STAG1: variants seen among roughly 807,000 people sequenced by gnomAD.
STAG1 encodes the protein cohesin subunit SA-1.
In STAG1, 26 loss-of-function variants were observed where a neutral mutation model predicts 170.9. That is an observed-to-expected ratio of 0.15 (90% confidence interval 0.11 to 0.21). STAG1 has a LOEUF of 0.21. Ranked by LOEUF, STAG1 falls within the 10% of genes least tolerant of loss-of-function variation. The pLI, the probability that STAG1 is intolerant of heterozygous loss-of-function variation, is 1.00. For missense variants in STAG1, 964 were observed against 1,509.5 expected (o/e 0.64, Z 5.99); for synonymous variants, 514 against 497.7 (o/e 1.03, Z -0.44).
chr3:136,723,382 C>G (rs1164389231), intron 1 of STAG1, among the ~76,000 whole-genome samples: 1 of 150,524 alleles, frequency 6.6e-6, no homozygotes, highest in South Asian at 2.1e-4. Context: ...TACCCGGCCG[C>G]GACCCCGTCT....
chr3:136,487,030 A>T (rs985264663), intron 9 of STAG1, among the ~76,000 whole-genome samples: 26 of 110,472 alleles, frequency 2.4e-4, no homozygotes, highest in Non-Finnish European at 4.2e-4. Context: ...AAAAAAAAAA[A>T]GCAGATACAA....
At chr3:136,381,049 AAAAG>A (rs1337134590) in intron 22 of STAG1, among the ~76,000 whole-genome samples, 1 of 151,764 alleles carries the variant, frequency 6.6e-6, no homozygotes, top group East Asian at 1.9e-4. Flanking sequence ...AAAAAAAAAA[AAAAG>A]AAACATAGGA....
chr3:136,691,818 A>C (rs1262270158), intron 1 of STAG1, among the ~76,000 whole-genome samples: 4 of 152,242 alleles, frequency 2.6e-5, no homozygotes, highest in Non-Finnish European at 5.9e-5. Context: ...AGAGGAACTA[A>C]GTAGATCATC....
At chr3:136,564,856 A>G (rs1221576002) in intron 5 of STAG1, among the ~76,000 whole-genome samples, 2 of 151,892 alleles carry the variant, frequency 1.3e-5, no homozygotes, top group South Asian at 2.1e-4. Context: ...TATAAAATAT[A>G]AAATCCAGCC....
chr3:136,565,482 C>T (rs1937043659), intron 5 of STAG1, among the ~76,000 whole-genome samples: 1 of 152,218 alleles, frequency 6.6e-6, no homozygotes, highest in South Asian at 2.1e-4. Flanking sequence ...TTAGATACCA[C>T]TTTATACCCA....
chr3:136,518,461 C>G (rs1934492110), intron 7 of STAG1: 1 of 687,662 alleles, frequency 1.5e-6, no homozygotes, highest in South Asian at 1.5e-5. Context: ...ATTCCTCGTA[C>G]ATATACCATT....
In STAG1 at chr3:136,473,745, T is replaced by C. The variant is rs188585559; in HGVS notation, c.1027-108A>G. The stretch of plus-strand genomic sequence containing the variant: ...GCTTAAACATTTGACTTACTGCATA[T>C]TGTAATTCAACATAGGATGAGACTG... On this transcript the variant is annotated intron_variant, in intron 10 of 33. Coordinates refer to ENST00000383202, the MANE Select transcript of STAG1 (RefSeq NM_005862.3). 507 of 753,646 alleles carry C rather than the reference T, an allele frequency of 6.7e-4. 3 individuals carry two copies. Among genetic ancestry groups the C allele is most frequent in the South Asian group, 8.1e-4 (53 of 65,624 alleles). The allele number at this position is 753,646 out of a possible 1,614,324, so 46.7% of individuals were successfully genotyped here.
intron 29 of STAG1, 130 bp from the exon 30 acceptor site, chr3:136,344,136 T>A (rs1333377415): frequency 1.7e-6 from 1 of 592,334 alleles, no homozygotes; most frequent in Non-Finnish European, 2.7e-6. Flanking sequence ...TTCCACCACT[T>A]ACTTACATGA....
intron 21 of STAG1, among the ~76,000 whole-genome samples, chr3:136,416,334 A>T (rs778832261): frequency 1.3e-5 from 2 of 152,326 alleles, no homozygotes; most frequent in South Asian, 2.1e-4. Flanking sequence ...TTAATGTCAC[A>T]TAAGTATGTA....
chr3:136,426,633 A>G (rs971421250), intron 16 of STAG1, among the ~76,000 whole-genome samples: 7 of 152,146 alleles, frequency 4.6e-5, no homozygotes, highest in African/African-American at 1.7e-4. Context: ...CATGACAGCA[A>G]TGTGAATAAA....
At chr3:136,735,762 G>C (rs1031517646) in intron 1 of STAG1, among the ~76,000 whole-genome samples, 1 of 152,002 alleles carries the variant, frequency 6.6e-6, no homozygotes, top group Admixed American at 6.6e-5. Context: ...ATAGGGGTTC[G>C]CCACCACGCC....
chr3:136,511,895 G>A (rs1272465750), intron 7 of STAG1, among the ~76,000 whole-genome samples: 1 of 151,658 alleles, frequency 6.6e-6, no homozygotes, highest in East Asian at 1.9e-4. Flanking sequence ...GACAGCAGGA[G>A]GATGAGCAGA....
At chr3:136,718,416 CTT>C (rs924260730) in intron 1 of STAG1, among the ~76,000 whole-genome samples, 1 of 152,076 alleles carries the variant, frequency 6.6e-6, no homozygotes, top group African/African-American at 2.4e-5. Flanking sequence ...TAAGGAGTGT[CTT>C]TAAGTGAAAT....
At chr3:136,723,832 G>A (rs1933477283) in intron 1 of STAG1, among the ~76,000 whole-genome samples, 1 of 144,208 alleles carries the variant, frequency 6.9e-6, no homozygotes, top group Non-Finnish European at 1.5e-5. Flanking sequence ...GGAGGGAGGT[G>A]GGGGGGTCAG....
chr3:136,345,857 A>C (rs1936202704), intron 29 of STAG1, among the ~76,000 whole-genome samples: 1 of 151,922 alleles, frequency 6.6e-6, no homozygotes, highest in Admixed American at 6.6e-5. Context: ...ATACCTACCC[A>C]TTGTCTGGTT....
At chr3:136,688,871 C>T (rs1203282394) in intron 1 of STAG1, among the ~76,000 whole-genome samples, 11 of 152,130 alleles carry the variant, frequency 7.2e-5, no homozygotes. Flanking sequence ...TTTATTAACA[C>T]CAAAGGAAGA....
At chr3:136,577,553 GAATACTAGCCTTCTTAAGCTTGAA>G (rs543434277) in intron 4 of STAG1, among the ~76,000 whole-genome samples, 11 of 152,218 alleles carry the variant, frequency 7.2e-5, no homozygotes, top group Non-Finnish European at 1.5e-4. Context: ...CAAGGTTTGA[GAATACTAGCCTTCTTAAGCTTGAA>G]AGCCCTCTGA....
chr3:136,421,118 A>G lies in STAG1; in HGVS notation c.2083T>C (p.Leu695=). Residue 695 remains leucine, a synonymous_variant, in exon 20 of 34, where the codon TTA becomes CTA. Transcript: ENST00000383202. ...DDDIYNVLST[L]KRLTSFHNAH... ...TTGTGAAAAGAAGTTAACCGCTTTA[A>G]TGTAGAAAGAACATTGTAAATGTCA... is the stretch of plus-strand genomic sequence containing the variant. 6.2e-7 allele frequency: 1 copy of G among 1,606,470 alleles called. No homozygotes were observed.
intron 15 of STAG1, among the ~76,000 whole-genome samples, chr3:136,440,582 A>G (rs1413595506): frequency 6.6e-6 from 1 of 152,108 alleles, no homozygotes; most frequent in Admixed American, 6.6e-5. Flanking sequence ...AGGAAAATGA[A>G]TGGAACCTAC....
Sources: allele counts gnomAD v4.1 joint callset (sites outside exome capture counted in the v4.1 genomes callset), GRCh38; gene constraint gnomAD v4.1.1; transcripts MANE v1.5; gene names NCBI Gene and HGNC (gene_info 2026-07-23, HGNC 2026-07-21).